Variants in PIGU observed in about 807,000 individuals in gnomAD.
The protein encoded by PIGU is GPI-anchor transamidase component PIGU.
Under a neutral mutation model 49.9 loss-of-function variants are expected in PIGU, and 24 were observed. The observed-to-expected ratio is 0.48, with a 90% CI of 0.35 to 0.68. PIGU has a LOEUF of 0.68. PIGU is among the 30% of genes least tolerant of loss of function. The pLI, the probability that PIGU is intolerant of heterozygous loss-of-function variation, is 0.01. For synonymous variants in PIGU, 220 were observed against 205.7 expected, an observed-to-expected ratio of 1.07 and a Z score of -0.59; for missense variants, 490 against 532.6, an observed-to-expected ratio of 0.92 and a Z score of 0.79.
intron 1 of PIGU, among the ~76,000 whole-genome samples, chr20:34,659,854 C>T (rs1279223415): frequency 6.6e-6 from 1 of 151,856 alleles, no homozygotes; most frequent in Admixed American, 6.6e-5. Flanking sequence ...TTGAAGGCAG[C>T]ATGCTTGTTA....
rs1479217353 is a variant in PIGU, at chr20:34,600,130, G to A, written c.628-11523C>T. ...GGGGATGGAAAATAATTCAAGGCCA[G>A]GCATGGTGGCTCAGGCCTGTAATTC... On this transcript the variant is annotated intron_variant, in intron 7 of 11. Transcript: ENST00000217446. Among the ~76,000 whole-genome samples the A allele has an allele frequency of 2.0e-5, 3 of 152,222 alleles. No individual in the cohort carries two copies. In the East Asian group the frequency reaches 5.8e-4, roughly 29 times the overall value.
intron 3 of PIGU, 83 bp downstream of exon 3, chr20:34,645,187 CAAAAA>C (rs1163864427): frequency 1.5e-4 from 157 of 1,033,014 alleles, no homozygotes; most frequent in South Asian, 4.2e-4. Context: ...GACCCCATCT[CAAAAA>C]AAAAAAAAAA....
chr20:34,631,558 CT>C (rs1190943273), intron 6 of PIGU, among the ~76,000 whole-genome samples: 142 of 136,412 alleles, frequency 1.0e-3, no homozygotes, highest in Middle Eastern at 3.7e-3. Context: ...TTTTCTTCTC[CT>C]TTTTTTTTTT....
At position 34,616,434 on chromosome 20, in the gene PIGU, A is replaced by T. The variant is rs532412920; in HGVS notation, c.530-295T>A. 7.9e-5 allele frequency among the ~76,000 whole-genome samples: 12 copies of T among 152,304 alleles called. No homozygotes were observed. In the South Asian group the frequency reaches 1.2e-3, roughly 16 times the overall value. The stretch of plus-strand genomic sequence containing the variant: ...GATTTTACAAAATTTCAACCCGAAG[A>T]TGTATAAAGGGATCAAGTCTATTAA... On this transcript the variant is annotated intron_variant, in intron 6 of 11. Transcript: ENST00000217446.
chr20:34,576,374 C>T (rs1379059080), intron 10 of PIGU, among the ~76,000 whole-genome samples: 1 of 152,146 alleles, frequency 6.6e-6, no homozygotes, highest in Non-Finnish European at 1.5e-5. Context: ...TTCCCACAAA[C>T]TTAGTGATTT....
chr20:34,579,400 AG>A (rs918877264), intron 10 of PIGU: 2 of 152,222 alleles, frequency 1.3e-5, no homozygotes, highest in African/African-American at 2.4e-5. Flanking sequence ...TCCACTGCAC[AG>A]GAAAACAGAA....
At chr20:34,570,914 G>T (rs193169372) in intron 11 of PIGU, among the ~76,000 whole-genome samples, 30 of 152,204 alleles carry the variant, frequency 2.0e-4, no homozygotes, top group African/African-American at 7.2e-4. Context: ...TGCTTCCTTT[G>T]GTTCATGGAC....
intron 6 of PIGU, among the ~76,000 whole-genome samples, chr20:34,623,366 G>A (rs74409664): frequency 5.9e-5 from 9 of 151,682 alleles, no homozygotes; most frequent in South Asian, 2.1e-4. Flanking sequence ...AGAGCAATCC[G>A]TACATATCAG....
chr20:34,615,131 G>A (rs747872831), intron 7 of PIGU, among the ~76,000 whole-genome samples: 6 of 152,164 alleles, frequency 3.9e-5, no homozygotes, highest in Admixed American at 2.6e-4. Flanking sequence ...CAATTCATTT[G>A]TCTAATATGG....
intron 1 of PIGU, 79 bp downstream of exon 1, chr20:34,676,877 C>A (rs1468493653): frequency 1.3e-6 from 2 of 1,507,122 alleles, no homozygotes; most frequent in African/African-American, 1.4e-5. Flanking sequence ...CGCTGGCGGT[C>A]ACTGCCCCCG....
At position 34,629,997 on chromosome 20, in the gene PIGU, A is replaced by G. The variant is rs115251859; in HGVS notation, c.529+4618T>C. 4.1e-3 allele frequency among the ~76,000 whole-genome samples: 629 copies of G among 152,354 alleles called. 14 individuals are homozygous for G. Among genetic ancestry groups the G allele is most frequent in the African/African-American group, 0.014 (568 of 41,580 alleles). Reference sequence around the variant, plus strand: ...GAAATTACAGCTCAGTGGCCTACAAAGAGGATTACTAATAAAAATCAGCCA... The same window carrying G: ...GAAATTACAGCTCAGTGGCCTACAAGGAGGATTACTAATAAAAATCAGCCA... On this transcript the variant is annotated intron_variant, in intron 6 of 11. Transcript: ENST00000217446.
chr20:34,592,667 C>T (rs1177214313), intron 7 of PIGU, among the ~76,000 whole-genome samples: 4 of 152,212 alleles, frequency 2.6e-5, no homozygotes, highest in East Asian at 1.9e-4. Flanking sequence ...AAATGTAATA[C>T]ATCCTGAACC....
intron 2 of PIGU, among the ~76,000 whole-genome samples, chr20:34,646,180 T>G (rs544960830): frequency 1.3e-5 from 2 of 152,194 alleles, no homozygotes; most frequent in Admixed American, 6.5e-5. Context: ...CTGCCTGGAT[T>G]TTCTTTGAGA....
chr20:34,638,094 G>C (rs1205036394), intron 4 of PIGU, 109 bp from the exon 5 acceptor site: 5 of 1,427,682 alleles, frequency 3.5e-6, no homozygotes, highest in Non-Finnish European at 4.5e-6. Flanking sequence ...GCCCTGCCTG[G>C]TCTGGCCCTA....
intron 7 of PIGU, among the ~76,000 whole-genome samples, chr20:34,611,630 A>C (rs1240548254): frequency 7.0e-6 from 1 of 142,826 alleles, no homozygotes; most frequent in Non-Finnish European, 1.5e-5. Flanking sequence ...TGGGCAACAG[A>C]GCAAGACTCA....
At chr20:34,585,810 A>T (rs1983678025) in intron 8 of PIGU, among the ~76,000 whole-genome samples, 1 of 152,176 alleles carries the variant, frequency 6.6e-6, no homozygotes. Context: ...TAAGCCAAAC[A>T]AATCTGAAAT....
intron 6 of PIGU, among the ~76,000 whole-genome samples, chr20:34,622,245 G>A (rs753286534): frequency 9.2e-5 from 14 of 152,092 alleles, no homozygotes; most frequent in South Asian, 2.1e-4. Flanking sequence ...CCGGCTGGGC[G>A]TGGTGGCTCA....
At chr20:34,612,619 CTT>C (rs1220427781) in intron 7 of PIGU, among the ~76,000 whole-genome samples, 1 of 139,838 alleles carries the variant, frequency 7.2e-6, no homozygotes, top group African/African-American at 2.6e-5. Context: ...CTTTCCTTTT[CTT>C]TTTTTTTTTT....
intron 1 of PIGU, among the ~76,000 whole-genome samples, chr20:34,674,067 C>CA (rs1164226146): frequency 7.0e-6 from 1 of 143,866 alleles, no homozygotes; most frequent in Non-Finnish European, 1.5e-5. Context: ...ACAACAACAA[C>CA]AAAAAAAGCT....
Sources: allele counts gnomAD v4.1 joint callset (sites outside exome capture counted in the v4.1 genomes callset), GRCh38; gene constraint gnomAD v4.1.1; transcripts MANE v1.5; gene names NCBI Gene and HGNC (gene_info 2026-07-23, HGNC 2026-07-21).